Variants in FHIT observed in about 807,000 individuals in gnomAD.
The protein encoded by FHIT is fragile histidine triad diadenosine triphosphatase.
In FHIT, 19 loss-of-function variants were observed where a neutral mutation model predicts 17.9. The observed-to-expected ratio is 1.06, with a 90% CI of 0.74 to 1.56. The LOEUF is 1.56. FHIT is among the 40% of genes most tolerant of loss of function. FHIT has a pLI of 0.00. For synonymous variants in FHIT, 81 were observed against 69.7 expected (o/e 1.16, Z -0.81); for missense variants, 248 against 189.2 (o/e 1.31, Z -1.82).
At chr3:59,995,358 C>T (rs1410871788) in intron 7 of FHIT, among the ~76,000 whole-genome samples, 1 of 152,088 alleles carries the variant, frequency 6.6e-6, no homozygotes, top group East Asian at 1.9e-4. Flanking sequence ...CTAGCTTTCA[C>T]CTCTCAAGTG....
intron 5 of FHIT, among the ~76,000 whole-genome samples, chr3:60,380,943 T>C (rs1700775505): frequency 6.7e-6 from 1 of 149,416 alleles, no homozygotes; most frequent in African/African-American, 2.5e-5. Flanking sequence ...TATGCGAACA[T>C]CATGGCAACC....
intron 5 of FHIT, among the ~76,000 whole-genome samples, chr3:60,376,773 A>G (rs1187758005): frequency 2.0e-5 from 3 of 152,210 alleles, no homozygotes; most frequent in African/African-American, 7.2e-5. Flanking sequence ...CTATAATGTT[A>G]TTCTCTGCCA....
chr3:59,769,854 G>T (rs1329060960), intron 8 of FHIT, among the ~76,000 whole-genome samples: 3 of 151,614 alleles, frequency 2.0e-5, no homozygotes, highest in Non-Finnish European at 4.4e-5. Flanking sequence ...GGATTGAACT[G>T]TTATAGTATG....
chr3:60,016,660 G>T (rs1011912965), intron 5 of FHIT, among the ~76,000 whole-genome samples: 1 of 152,212 alleles, frequency 6.6e-6, no homozygotes, highest in Non-Finnish European at 1.5e-5. Flanking sequence ...AATCAGTATA[G>T]AAAGCTGTGG....
intron 1 of FHIT, among the ~76,000 whole-genome samples, chr3:61,245,408 A>G (rs1469530840): frequency 1.3e-5 from 2 of 152,192 alleles, no homozygotes; most frequent in Non-Finnish European, 2.9e-5. Context: ...TATCGAGTCC[A>G]TTCTCTTAAC....
At chr3:60,408,299 A>G (rs1442522473) in intron 5 of FHIT, among the ~76,000 whole-genome samples, 1 of 152,164 alleles carries the variant, frequency 6.6e-6, no homozygotes, top group Admixed American at 6.5e-5. Context: ...TTCCAGGCAT[A>G]GACTTGAACA....
chr3:60,192,063 A>C (rs1461364928), intron 5 of FHIT, among the ~76,000 whole-genome samples: 3 of 151,862 alleles, frequency 2.0e-5, no homozygotes. Flanking sequence ...CCAGCCTAGC[A>C]AACATGGCGA....
At chr3:61,241,905 T>A (rs1430465569) in intron 1 of FHIT, among the ~76,000 whole-genome samples, 1 of 152,180 alleles carries the variant, frequency 6.6e-6, no homozygotes, top group Non-Finnish European at 1.5e-5. Flanking sequence ...TAACTGCAGT[T>A]AACACTCTGG....
chr3:61,217,050 T>C (rs11720254), intron 1 of FHIT, among the ~76,000 whole-genome samples: 65,692 of 151,376 alleles, frequency 0.43, 14,655 homozygotes, highest in East Asian at 0.57. Context: ...TGCTAAATGA[T>C]GAGTTAATGA....
At chr3:60,072,507 T>C (rs1476181442) in intron 5 of FHIT, among the ~76,000 whole-genome samples, 1 of 152,230 alleles carries the variant, frequency 6.6e-6, no homozygotes, top group Non-Finnish European at 1.5e-5. Flanking sequence ...AGCCTGTGCA[T>C]GCTTACTTAT....
At chr3:60,756,641 C>T (rs1246488902) in intron 4 of FHIT, among the ~76,000 whole-genome samples, 1 of 152,122 alleles carries the variant, frequency 6.6e-6, no homozygotes, top group Non-Finnish European at 1.5e-5. Flanking sequence ...AGATGTCTGT[C>T]ACTAAAGAAA....
intron 5 of FHIT, among the ~76,000 whole-genome samples, chr3:60,515,944 G>T (rs1330871983): frequency 6.6e-6 from 1 of 152,074 alleles, no homozygotes; most frequent in East Asian, 1.9e-4. Context: ...ACTGCCTCTG[G>T]GTATGCAAAA....
At chr3:60,808,134 T>A (rs1701460918) in intron 4 of FHIT, among the ~76,000 whole-genome samples, 1 of 152,230 alleles carries the variant, frequency 6.6e-6, no homozygotes, top group African/African-American at 2.4e-5. Flanking sequence ...TGAGCCAGAG[T>A]TGTAGCATGC....
intron 4 of FHIT, among the ~76,000 whole-genome samples, chr3:60,757,806 G>C (rs1267730352): frequency 6.6e-6 from 1 of 152,156 alleles, no homozygotes; most frequent in Non-Finnish European, 1.5e-5. Flanking sequence ...ACAGATTGGT[G>C]GTTTTATTTT....
intron 5 of FHIT, among the ~76,000 whole-genome samples, chr3:60,162,971 C>T (rs1158035898): frequency 3.3e-5 from 5 of 152,294 alleles, no homozygotes; most frequent in African/African-American, 1.2e-4. Flanking sequence ...CAGAGCACCC[C>T]TGTTTGAGGC....
At chr3:60,228,709 T>C (rs1304183181) in intron 5 of FHIT, among the ~76,000 whole-genome samples, 1 of 152,156 alleles carries the variant, frequency 6.6e-6, no homozygotes, top group Non-Finnish European at 1.5e-5. Flanking sequence ...GTTTTAAAAA[T>C]ATTCTTACGA....
Position 60,105,484 on chromosome 3 carries a change from A to G in FHIT, c.104-91332T>C, listed in dbSNP as rs112260090. 9.0e-3 allele frequency among the ~76,000 whole-genome samples: 1,364 copies of G among 152,292 alleles called. 21 individuals carry two copies. The highest frequency in any genetic ancestry group is 0.031 in the African/African-American group (1,284 of 41,568). On this transcript the variant is annotated intron_variant, in intron 5 of 9. Transcript: ENST00000492590. ...GCTTCTCTACTTTTCTAGGAATTAC[A>G]TTTAAAATGTAAGAGGACAAGACCT... is the stretch of plus-strand genomic sequence containing the variant.
intron 4 of FHIT, among the ~76,000 whole-genome samples, chr3:60,751,478 G>A (rs78968176): frequency 0.036 from 5,498 of 152,276 alleles, 260 homozygotes; most frequent in East Asian, 0.24. Flanking sequence ...TATGGGCAAA[G>A]GATAGGAACA....
chr3:60,754,275 A>G (rs2042527928), intron 4 of FHIT, among the ~76,000 whole-genome samples: 1 of 152,348 alleles, frequency 6.6e-6, no homozygotes, highest in Middle Eastern at 3.4e-3. Flanking sequence ...TCTTAAATGT[A>G]AAGATGATAC....
Sources: gnomAD v4.1 joint callset for allele counts (sites outside exome capture counted in the v4.1 genomes callset) on GRCh38, gnomAD v4.1.1 for gene constraint, MANE v1.5 for transcripts, NCBI Gene and HGNC (gene_info 2026-07-23, HGNC 2026-07-21) for gene names.